The following ANAPC10 variants were observed in gnomAD, a reference collection of about 807,000 sequenced individuals.
The protein encoded by ANAPC10 is anaphase promoting complex subunit 10, also known as anaphase-promoting complex subunit 10.
Under a neutral mutation model 22.0 loss-of-function variants are expected in ANAPC10, and 12 were observed. The observed-to-expected ratio is 0.55, with a 90% CI of 0.35 to 0.88. The LOEUF (loss-of-function observed/expected upper bound fraction) is 0.88. ANAPC10 is among the 40% of genes least tolerant of loss of function. The pLI, the probability that ANAPC10 is intolerant of heterozygous loss-of-function variation, is 0.01. For synonymous variants in ANAPC10, 65 were observed against 69.5 expected, an observed-to-expected ratio of 0.94 and a Z score of 0.32; for missense variants, 188 against 220.9, an observed-to-expected ratio of 0.85 and a Z score of 0.94.
chr4:145,081,777 T>C lies in ANAPC10; in HGVS notation c.116-27A>G, dbSNP rs1449172197. ...TAAAAACACCAAAAGTGTCAATAAA[T>C]CCCTGTGAAAAAGAAACAACTATAC... is the stretch of plus-strand genomic sequence containing the variant. On this transcript the variant is annotated intron_variant, in intron 2 of 4. Coordinates refer to ENST00000507656, the MANE Select transcript of ANAPC10 (RefSeq NM_001256706.2). 2.6e-6 allele frequency: 4 copies of C among 1,525,712 alleles called. 1 individual carries two copies. The South Asian group carries it at 4.7e-5, about 18-fold the overall frequency. 94.5% of individuals were successfully genotyped at this position (1,525,712 alleles called of 1,614,324 possible).
chr4:145,098,048 A>C (rs1236450242), intron 1 of ANAPC10, 72 bp downstream of exon 1: 1 of 155,312 alleles, frequency 6.4e-6, no homozygotes, highest in Non-Finnish European at 1.4e-5. Context: ...AAAAAGATTG[A>C]AACCGGAGAG....
Position 145,001,223 on chromosome 4 carries a change from G to T in ANAPC10, c.328-5620C>A, listed in dbSNP as rs1192574142. Reference sequence around the variant, plus strand: ...AAGAAAGAAGGAAGGAGGGAGGGAGGGAGGGAAGGAGGGAGTGAGGGAGGG... The same window carrying T: ...AAGAAAGAAGGAAGGAGGGAGGGAGTGAGGGAAGGAGGGAGTGAGGGAGGG... On this transcript the variant is annotated intron_variant, in intron 4 of 4. Transcript: ENST00000507656. 4.6e-5 allele frequency among the ~76,000 whole-genome samples: 6 copies of T among 131,344 alleles called. 1 individual carries two copies. In the East Asian group the frequency reaches 1.5e-3, roughly 34 times the overall value. 86.2% of individuals were successfully genotyped at this position (131,344 alleles called of 152,430 possible).
At chr4:145,028,142 T>G (rs1737025774) in intron 4 of ANAPC10, among the ~76,000 whole-genome samples, 1 of 152,174 alleles carries the variant, frequency 6.6e-6, no homozygotes, top group Admixed American at 6.6e-5. Flanking sequence ...ATACAAAGTA[T>G]TAATCCTGGG....
intron 4 of ANAPC10, among the ~76,000 whole-genome samples, chr4:145,037,778 C>G (rs921380988): frequency 6.6e-6 from 1 of 151,868 alleles, no homozygotes; most frequent in African/African-American, 2.4e-5. Flanking sequence ...AAAACCCTGT[C>G]TCTACAAAAA....
intron 4 of ANAPC10, among the ~76,000 whole-genome samples, chr4:145,063,773 T>A (rs1357785682): frequency 2.6e-5 from 4 of 152,082 alleles, no homozygotes; most frequent in Non-Finnish European, 5.9e-5. Flanking sequence ...GAAATACAAC[T>A]CAGAAGTAAA....
intron 1 of ANAPC10, chr4:145,097,861 G>T (rs1329474364): frequency 1.5e-5 from 5 of 330,552 alleles, no homozygotes; most frequent in South Asian, 9.8e-5. Context: ...GCTCGGAAAA[G>T]ATTGGATTCC....
At chr4:145,093,865 T>C (rs985432410) in intron 2 of ANAPC10, among the ~76,000 whole-genome samples, 1 of 152,192 alleles carries the variant, frequency 6.6e-6, no homozygotes, top group African/African-American at 2.4e-5. Context: ...AGCATATGTA[T>C]AATTGGATTC....
intron 4 of ANAPC10, among the ~76,000 whole-genome samples, chr4:145,000,246 A>G (rs936239553): frequency 6.6e-6 from 1 of 152,214 alleles, no homozygotes; most frequent in African/African-American, 2.4e-5. Flanking sequence ...AAAAGAAACT[A>G]CCATTGGAGT....
At chr4:145,066,038 G>A (rs1456894219) in intron 3 of ANAPC10, among the ~76,000 whole-genome samples, 1 of 152,028 alleles carries the variant, frequency 6.6e-6, no homozygotes, top group Non-Finnish European at 1.5e-5. Context: ...CTATTTACAT[G>A]TGCTTTAAAA....
rs1287102797 is a variant in ANAPC10, at chr4:145,026,945, A to ATATATATATATATGTG, written c.328-31343_328-31342insCACATATATATATATA. On this transcript the variant is annotated intron_variant, in intron 4 of 4. Coordinates refer to ENST00000507656, the MANE Select transcript of ANAPC10 (RefSeq NM_001256706.2). ...CATATATATATATATATATATATATATGTGTGTGTGTGTATATATATATAT... is the reference window on the plus strand; with the variant it reads ...CATATATATATATATATATATATATATATATATATATATGTGTGTGTGTGTGTGTATATATATATAT... 1.9e-3 allele frequency among the ~76,000 whole-genome samples: 32 copies of ATATATATATATATGTG among 17,146 alleles called. 1 individual carries two copies. The highest frequency in any genetic ancestry group is 3.0e-3 in the East Asian group (1 of 330). The allele number at this position is 17,146 out of a possible 152,430, so 11.2% of individuals were successfully genotyped here. A position where few individuals can be genotyped will look rare whatever the true frequency, so the allele number is the denominator to read the frequency against.
chr4:145,054,635 GTGT>G (rs1181534961), intron 4 of ANAPC10, among the ~76,000 whole-genome samples: 3 of 119,004 alleles, frequency 2.5e-5, no homozygotes, highest in Non-Finnish European at 5.2e-5. Flanking sequence ...GTGTGTGTGT[GTGT>G]GTGCGCGCGC....
intron 4 of ANAPC10, among the ~76,000 whole-genome samples, chr4:145,029,858 A>G (rs1367299511): frequency 6.6e-6 from 1 of 152,140 alleles, no homozygotes; most frequent in Admixed American, 6.5e-5. Context: ...AATGCCTTGC[A>G]AAACAGATTT....
At chr4:145,063,242 A>T (rs975972374) in intron 4 of ANAPC10, among the ~76,000 whole-genome samples, 1 of 152,184 alleles carries the variant, frequency 6.6e-6, no homozygotes, top group Non-Finnish European at 1.5e-5. Flanking sequence ...AAGTATATAT[A>T]TTTCAAAACA....
At chr4:145,048,393 T>C (rs1740634511) in intron 4 of ANAPC10, among the ~76,000 whole-genome samples, 1 of 152,198 alleles carries the variant, frequency 6.6e-6, no homozygotes, top group African/African-American at 2.4e-5. Flanking sequence ...TATACAATTG[T>C]TACCACATGG....
intron 4 of ANAPC10, among the ~76,000 whole-genome samples, chr4:145,029,022 G>A (rs1737148005): frequency 6.6e-6 from 1 of 152,148 alleles, no homozygotes; most frequent in Non-Finnish European, 1.5e-5. Flanking sequence ...TGGCTGACCT[G>A]CAACGAAAGA....
intron 4 of ANAPC10, among the ~76,000 whole-genome samples, chr4:144,996,483 T>G (rs1731632702): frequency 6.6e-6 from 1 of 152,134 alleles, no homozygotes; most frequent in African/African-American, 2.4e-5. Context: ...AGGTCCCAAC[T>G]GACCAGCTGC....
chr4:145,005,271 A>C (rs1464985612), intron 4 of ANAPC10, among the ~76,000 whole-genome samples: 6 of 152,070 alleles, frequency 3.9e-5, no homozygotes, highest in Admixed American at 2.0e-4. Flanking sequence ...AGGGGTTCAT[A>C]ATAGTCTCTC....
intron 4 of ANAPC10, among the ~76,000 whole-genome samples, chr4:145,042,731 TA>T (rs1378584791): frequency 4.7e-5 from 7 of 147,850 alleles, no homozygotes; most frequent in South Asian, 4.2e-4. Context: ...GAACTTTCAG[TA>T]AAAAAAAAAT....
chr4:145,088,138 T>C (rs2126634176), intron 2 of ANAPC10, among the ~76,000 whole-genome samples: 1 of 152,338 alleles, frequency 6.6e-6, no homozygotes, highest in East Asian at 1.9e-4. Context: ...TCTCACTCTC[T>C]TGGTTTTCCT....
Sources: allele counts gnomAD v4.1 joint callset (sites outside exome capture counted in the v4.1 genomes callset), GRCh38; gene constraint gnomAD v4.1.1; transcripts MANE v1.5; gene names NCBI Gene and HGNC (gene_info 2026-07-23, HGNC 2026-07-21).